The following GPM6A variants were observed in gnomAD, a reference collection of about 807,000 sequenced individuals.
The protein encoded by GPM6A is neuronal membrane glycoprotein M6-a.
In GPM6A, 7 loss-of-function variants were observed where a neutral mutation model predicts 32.1. The observed-to-expected ratio is 0.22, with a 90% CI of 0.12 to 0.41. GPM6A has a LOEUF of 0.41. Ranked by LOEUF, GPM6A falls within the 10% of genes least tolerant of loss-of-function variation. The pLI is 1.00. For synonymous variants in GPM6A, 130 were observed against 123.4 expected, an observed-to-expected ratio of 1.05 and a Z score of -0.35; for missense variants, 235 against 347.2, an observed-to-expected ratio of 0.68 and a Z score of 2.57.
intron 1 of GPM6A, among the ~76,000 whole-genome samples, chr4:175,861,169 G>T (rs1229624162): frequency 6.6e-6 from 1 of 151,838 alleles, no homozygotes; most frequent in Non-Finnish European, 1.5e-5. Context: ...TCTTTATAAA[G>T]AAATTAAAGG....
At chr4:175,848,123 C>T (rs913914861) in intron 1 of GPM6A, among the ~76,000 whole-genome samples, 1 of 152,152 alleles carries the variant, frequency 6.6e-6, no homozygotes, top group African/African-American at 2.4e-5. Flanking sequence ...TCAGAGTTCC[C>T]TTTCTTGACT....
chr4:175,917,666 C>G (rs943587771), intron 1 of GPM6A, among the ~76,000 whole-genome samples: 1 of 151,932 alleles, frequency 6.6e-6, no homozygotes, highest in Admixed American at 6.6e-5. Context: ...AGGGGGTTGT[C>G]AAAATAATCC....
intron 1 of GPM6A, among the ~76,000 whole-genome samples, chr4:175,854,067 C>A (rs1019133754): frequency 1.3e-5 from 2 of 152,088 alleles, no homozygotes; most frequent in Non-Finnish European, 2.9e-5. Context: ...GGCAGGTAAA[C>A]TGAAATTTTT....
Position 175,957,574 on chromosome 4 carries a change from G to A in GPM6A, c.-23+44735C>T, listed in dbSNP as rs115360536. Among the ~76,000 whole-genome samples the A allele has an allele frequency of 3.7e-3, 567 of 151,698 alleles. 6 individuals are homozygous for A. Among genetic ancestry groups the A allele is most frequent in the African/African-American group, 0.013 (548 of 41,400 alleles). ...AGCAGAGTCTGTCAGTGGGTGGGTGGGTAGGGGAGTGATAGCATTAGGAGA... is the reference window on the plus strand; with the variant it reads ...AGCAGAGTCTGTCAGTGGGTGGGTGAGTAGGGGAGTGATAGCATTAGGAGA... On this transcript the variant is annotated intron_variant, in intron 1 of 7. Coordinates refer to the GPM6A transcript ENST00000280187.
chr4:175,848,885 TAAAAG>T (rs1736168309), intron 1 of GPM6A, among the ~76,000 whole-genome samples: 1 of 147,852 alleles, frequency 6.8e-6, no homozygotes, highest in African/African-American at 2.5e-5. Flanking sequence ...CGTGTGCAAA[TAAAAG>T]GAAGAGTAAG....
chr4:175,678,139 T>C (rs1458793561), intron 2 of GPM6A, among the ~76,000 whole-genome samples: 2 of 152,070 alleles, frequency 1.3e-5, no homozygotes, highest in African/African-American at 2.4e-5. Flanking sequence ...CTCACACATA[T>C]GACTTCACAC....
Position 175,948,394 on chromosome 4 carries a change from G to A in GPM6A, c.-23+53915C>T, listed in dbSNP as rs1394439844. On this transcript the variant is annotated intron_variant, in intron 1 of 7. Transcript: ENST00000280187. ...ATGAGAAGATGGCCATCTGTGGGCC[G>A]GGAGGAGGGCCCTCGCTGAGAACCT... Among the ~76,000 whole-genome samples the A allele has an allele frequency of 3.3e-5, 5 of 152,254 alleles. No individual in the cohort carries two copies. The South Asian group carries it at 6.2e-4, about 19-fold the overall frequency.
At chr4:175,763,700 T>A (rs572793808) in intron 1 of GPM6A, among the ~76,000 whole-genome samples, 2 of 152,260 alleles carry the variant, frequency 1.3e-5, no homozygotes, top group East Asian at 1.9e-4. Context: ...ATAACAGTGA[T>A]TTCTTATGGA....
At chr4:175,679,071 A>T (rs528912892) in intron 2 of GPM6A, among the ~76,000 whole-genome samples, 1 of 152,210 alleles carries the variant, frequency 6.6e-6, no homozygotes, top group South Asian at 2.1e-4. Context: ...AACCAACTCA[A>T]TGATGAACTT....
At chr4:175,871,925 C>T (rs999298840) in intron 1 of GPM6A, among the ~76,000 whole-genome samples, 2 of 152,122 alleles carry the variant, frequency 1.3e-5, no homozygotes, top group Non-Finnish European at 2.9e-5. Context: ...TAAAGCTCAA[C>T]TAACACATTA....
chr4:175,963,484 G>C (rs974687242), intron 1 of GPM6A, among the ~76,000 whole-genome samples: 3 of 151,968 alleles, frequency 2.0e-5, no homozygotes, highest in Non-Finnish European at 4.4e-5. Flanking sequence ...AACCATGCAA[G>C]CAAAATAGAT....
intron 1 of GPM6A, among the ~76,000 whole-genome samples, chr4:175,746,484 ATT>A (rs908501614): frequency 6.6e-6 from 1 of 152,042 alleles, no homozygotes; most frequent in Admixed American, 6.6e-5. Context: ...TTAAAATCTA[ATT>A]TTTTTTAAAT....
chr4:175,783,493 A>G (rs189080031), intron 1 of GPM6A, among the ~76,000 whole-genome samples: 18 of 152,004 alleles, frequency 1.2e-4, no homozygotes, highest in Admixed American at 5.9e-4. Flanking sequence ...ACTTAAAACA[A>G]TGCAAAATTT....
At chr4:175,941,955 A>G (rs1739426523) in intron 1 of GPM6A, among the ~76,000 whole-genome samples, 1 of 152,210 alleles carries the variant, frequency 6.6e-6, no homozygotes, top group Admixed American at 6.5e-5. Context: ...GAATTGCCAC[A>G]CTGTCTTCCA....
At chr4:175,895,491 T>C (rs1737768521) in intron 1 of GPM6A, among the ~76,000 whole-genome samples, 1 of 152,202 alleles carries the variant, frequency 6.6e-6, no homozygotes, top group Non-Finnish European at 1.5e-5. Context: ...GTGTTACATG[T>C]TCTTTGCAGA....
chr4:175,910,312 T>C (rs561525786), intron 1 of GPM6A, among the ~76,000 whole-genome samples: 1 of 152,288 alleles, frequency 6.6e-6, no homozygotes, highest in Admixed American at 6.5e-5. Flanking sequence ...CACTATCTCC[T>C]TTTAATAATA....
chr4:175,680,046 T>A (rs1246919683), intron 2 of GPM6A, among the ~76,000 whole-genome samples: 1 of 152,186 alleles, frequency 6.6e-6, no homozygotes, highest in Non-Finnish European at 1.5e-5. Flanking sequence ...TACCTTTAGG[T>A]CTTTTTATTG....
chr4:175,729,494 A>G (rs577104176), intron 1 of GPM6A, among the ~76,000 whole-genome samples: 2 of 152,298 alleles, frequency 1.3e-5, no homozygotes, highest in East Asian at 3.9e-4. Flanking sequence ...ATACAAAAAA[A>G]TAGTTGGAAA....
chr4:175,729,020 A>G (rs1223772779), intron 1 of GPM6A, among the ~76,000 whole-genome samples: 1 of 152,168 alleles, frequency 6.6e-6, no homozygotes, highest in African/African-American at 2.4e-5. Flanking sequence ...CCAACTGCTC[A>G]AAGTGATACA....
Sources: gnomAD v4.1 joint callset for allele counts (sites outside exome capture counted in the v4.1 genomes callset) on GRCh38, gnomAD v4.1.1 for gene constraint, MANE v1.5 for transcripts, NCBI Gene and HGNC (gene_info 2026-07-23, HGNC 2026-07-21) for gene names.